OTUD7A: variants seen among roughly 807,000 people sequenced by gnomAD.
OTUD7A encodes OTU domain-containing protein 7A.
A neutral mutation model predicts 65.7 loss-of-function variants in OTUD7A; 12 were observed. That is an observed-to-expected ratio of 0.18 (90% confidence interval 0.12 to 0.30). OTUD7A has a LOEUF of 0.30. Ranked by LOEUF, OTUD7A falls within the 10% of genes least tolerant of loss-of-function variation. The pLI, the probability that OTUD7A is intolerant of heterozygous loss-of-function variation, is 1.00. For missense variants in OTUD7A, 1,148 were observed against 1,304.8 expected (o/e 0.88, Z 1.85); for synonymous variants, 641 against 586.3 (o/e 1.09, Z -1.35).
intron 3 of OTUD7A, among the ~76,000 whole-genome samples, chr15:31,602,869 G>C (rs1268840640): frequency 6.6e-6 from 1 of 152,066 alleles, no homozygotes; most frequent in Non-Finnish European, 1.5e-5. Context: ...AAAATATCTA[G>C]TAACACAACT....
At chr15:31,617,705 G>C (rs1189531303) in intron 3 of OTUD7A, among the ~76,000 whole-genome samples, 2 of 151,986 alleles carry the variant, frequency 1.3e-5, no homozygotes, top group African/African-American at 2.4e-5. Flanking sequence ...ATAGGAAGAG[G>C]GAAGGAAAGA....
chr15:31,811,299 TGTG>T (rs1187286964), intron 1 of OTUD7A, among the ~76,000 whole-genome samples: 1 of 151,688 alleles, frequency 6.6e-6, no homozygotes, highest in African/African-American at 2.4e-5. Flanking sequence ...GTTGATTTGA[TGTG>T]TGTGTGTGGC....
intron 3 of OTUD7A, among the ~76,000 whole-genome samples, chr15:31,630,333 C>T (rs2141248404): frequency 6.6e-6 from 1 of 151,428 alleles, no homozygotes; most frequent in Non-Finnish European, 1.5e-5. Flanking sequence ...TTATTTCTGC[C>T]TTCATTTCGT....
intron 1 of OTUD7A, among the ~76,000 whole-genome samples, chr15:31,798,186 A>G (rs991133551): frequency 1.2e-4 from 19 of 152,098 alleles, no homozygotes; most frequent in African/African-American, 4.6e-4. Context: ...TAACGTTAGG[A>G]CATCAACACA....
At chr15:31,623,411 AC>A in intron 3 of OTUD7A, among the ~76,000 whole-genome samples, 1 of 152,298 alleles carries the variant, frequency 6.6e-6, no homozygotes, top group East Asian at 1.9e-4. Flanking sequence ...AGTGGGCTCC[AC>A]CCAGTTTGAG....
At chr15:31,748,977 T>C (rs1001197069) in intron 1 of OTUD7A, among the ~76,000 whole-genome samples, 5 of 152,326 alleles carry the variant, frequency 3.3e-5, no homozygotes, top group Non-Finnish European at 4.4e-5. Flanking sequence ...TTTTAAAGTC[T>C]GTCCTTTGTA....
chr15:31,589,460 CTTG>C (rs1889651725), intron 3 of OTUD7A, among the ~76,000 whole-genome samples: 1 of 112,876 alleles, frequency 8.9e-6, no homozygotes, highest in African/African-American at 4.9e-5. Flanking sequence ...CTGTCCTGGG[CTTG>C]TTTTTTTTTT....
chr15:31,729,013 C>A (rs571732041), intron 1 of OTUD7A, among the ~76,000 whole-genome samples: 1 of 152,270 alleles, frequency 6.6e-6, no homozygotes, highest in South Asian at 2.1e-4. Flanking sequence ...GAGTACAGTA[C>A]AATAAAATAT....
intron 1 of OTUD7A, among the ~76,000 whole-genome samples, chr15:31,685,429 A>G (rs1390087331): frequency 6.6e-6 from 1 of 152,024 alleles, no homozygotes; most frequent in Admixed American, 6.5e-5. Context: ...GTGGATCATG[A>G]CGTCAGGAGA....
chr15:31,593,978 A>G (rs1265180792), intron 3 of OTUD7A, among the ~76,000 whole-genome samples: 1 of 152,210 alleles, frequency 6.6e-6, no homozygotes, highest in Non-Finnish European at 1.5e-5. Flanking sequence ...ATCTTTCTAG[A>G]CAGCCTAAAA....
At chr15:31,612,637 A>T (rs879797915) in intron 3 of OTUD7A, among the ~76,000 whole-genome samples, 2 of 152,220 alleles carry the variant, frequency 1.3e-5, no homozygotes, top group African/African-American at 4.8e-5. Flanking sequence ...GGTGAAATAA[A>T]TCATAGATGA....
intron 1 of OTUD7A, among the ~76,000 whole-genome samples, chr15:31,657,363 C>CTT (rs71424606): frequency 4.8e-5 from 7 of 146,802 alleles, no homozygotes; most frequent in African/African-American, 1.7e-4. Flanking sequence ...TTTCCTTTTT[C>CTT]TTTTTTTTTT....
chr15:31,694,248 C>T (rs1278187240), intron 1 of OTUD7A, among the ~76,000 whole-genome samples: 5 of 152,146 alleles, frequency 3.3e-5, no homozygotes, highest in Admixed American at 2.6e-4. Context: ...TGGCATCCCT[C>T]GGCTGGGGGC....
At chr15:31,544,440 T>A (rs767189170) in intron 5 of OTUD7A, among the ~76,000 whole-genome samples, 3 of 151,064 alleles carry the variant, frequency 2.0e-5, no homozygotes, top group Non-Finnish European at 4.4e-5. Context: ...AAAGAGAGAA[T>A]GAATATGTGA....
chr15:31,826,325 C>T (rs1178279551), intron 1 of OTUD7A, among the ~76,000 whole-genome samples: 1 of 152,240 alleles, frequency 6.6e-6, no homozygotes, highest in African/African-American at 2.4e-5. Flanking sequence ...CCCACAGACT[C>T]AGCACCACAT....
At chr15:31,703,768 T>C (rs1274464949) in intron 1 of OTUD7A, among the ~76,000 whole-genome samples, 1 of 149,146 alleles carries the variant, frequency 6.7e-6, no homozygotes, top group African/African-American at 2.4e-5. Flanking sequence ...TTTATAAGGA[T>C]GTTCATAGCA....
chr15:31,861,766 C>T (rs1033165301), intron 1 of OTUD7A, among the ~76,000 whole-genome samples: 2 of 152,210 alleles, frequency 1.3e-5, no homozygotes, highest in African/African-American at 4.8e-5. Context: ...TACCCAATAG[C>T]TGCAGACCCA....
intron 3 of OTUD7A, among the ~76,000 whole-genome samples, chr15:31,638,395 T>G (rs1194691236): frequency 1.4e-5 from 2 of 141,322 alleles, no homozygotes; most frequent in African/African-American, 2.6e-5. Context: ...TTTTTTTTTT[T>G]TTGAGACAGG....
At chr15:31,745,618 A>T (rs541176699) in intron 1 of OTUD7A, among the ~76,000 whole-genome samples, 14 of 152,194 alleles carry the variant, frequency 9.2e-5, no homozygotes, top group South Asian at 2.1e-4. Context: ...TATCTTCACA[A>T]TTGGGGGTAG....
Sources: gnomAD v4.1 joint callset for allele counts (sites outside exome capture counted in the v4.1 genomes callset) on GRCh38, gnomAD v4.1.1 for gene constraint, MANE v1.5 for transcripts, NCBI Gene and HGNC (gene_info 2026-07-23, HGNC 2026-07-21) for gene names.